The following CACNA1I variants were observed in gnomAD, a reference collection of about 807,000 sequenced individuals.
CACNA1I encodes calcium voltage-gated channel subunit alpha1 I.
In CACNA1I, 74 loss-of-function variants were observed where a neutral mutation model predicts 201.6. That is an observed-to-expected ratio of 0.37 (90% CI 0.30 to 0.45). CACNA1I has a LOEUF of 0.45. Among genes scored for constraint, CACNA1I ranks in the 20% least tolerant of loss-of-function variants. The probability of loss-of-function intolerance (pLI) is 1.00; values close to 1 mark genes in which losing one functional copy is unlikely to be tolerated. For missense variants in CACNA1I, 2,346 were observed against 3,138.1 expected, an observed-to-expected ratio of 0.75 and a Z score of 6.03; for synonymous variants, 1,431 against 1,345.2, an observed-to-expected ratio of 1.06 and a Z score of -1.40.
intron 4 of CACNA1I, among the ~76,000 whole-genome samples, chr22:39,623,453 T>C (rs934163714): frequency 6.6e-6 from 1 of 151,300 alleles, no homozygotes; most frequent in African/African-American, 2.4e-5. Flanking sequence ...CCTATGAAAG[T>C]GTGTGTGTTG....
chr22:39,590,179 C>T (rs759902527), intron 1 of CACNA1I, among the ~76,000 whole-genome samples: 26 of 152,324 alleles, frequency 1.7e-4, no homozygotes, highest in Non-Finnish European at 3.4e-4. Flanking sequence ...TGAGGGAGCC[C>T]CAGCATAGTG....
In CACNA1I at chr22:39,663,840, C is replaced by A; in HGVS notation, c.3596C>A (p.Thr1199Asn). 6.2e-7 allele frequency: 1 copy of A among 1,613,526 alleles called. No homozygotes were observed. Among genetic ancestry groups the A allele is most frequent in the East Asian group, 2.2e-5 (1 of 44,848 alleles). ...LERPQIEAGS[T>N]ERIFLTVSNY... ...CGGCCTCAGATCGAGGCCGGCAGCA[C>A]CGTGAGTGGCTGTAGCCTTTGGGCA... The change falls in exon 19 of 37, where the codon ACC (threonine) becomes AAC (asparagine). Residue 1199 changes from threonine (T) to asparagine (N), a missense_variant and splice_region_variant. Physicochemically the swap from Thr to Asn is moderately conservative, Grantham distance 65 (BLOSUM62 0). Coordinates refer to ENST00000402142, the MANE Select transcript of CACNA1I (RefSeq NM_021096.4).
intron 1 of CACNA1I, among the ~76,000 whole-genome samples, chr22:39,588,532 C>G (rs1390850104): frequency 6.6e-6 from 1 of 151,634 alleles, no homozygotes; most frequent in African/African-American, 2.4e-5. Flanking sequence ...ACTACAGGCG[C>G]CCACCACCAC....
intron 10 of CACNA1I, among the ~76,000 whole-genome samples, chr22:39,650,855 A>G (rs1448096314): frequency 2.0e-5 from 3 of 151,978 alleles, no homozygotes; most frequent in African/African-American, 7.3e-5. Flanking sequence ...AGGGGAGGGG[A>G]CAGCTTCTGG....
intron 33 of CACNA1I, 140 bp from the exon 34 acceptor site, chr22:39,680,790 C>A: frequency 1.2e-6 from 1 of 861,402 alleles, no homozygotes; most frequent in Non-Finnish European, 1.7e-6. Context: ...GACACATCAT[C>A]CGTGTCCAGC....
At chr22:39,670,376 C>T in intron 25 of CACNA1I, 146 bp downstream of exon 25, 1 of 829,312 alleles carries the variant, frequency 1.2e-6, no homozygotes, top group East Asian at 2.7e-5. Context: ...CTCCCAGCAT[C>T]TTCCTGTCCA....
In CACNA1I at chr22:39,687,667, G is replaced by A. The variant is rs1286883410; in HGVS notation, c.*1262G>A. The A allele has an allele frequency of 1.3e-5, 2 of 152,230 alleles. No individual in the cohort carries two copies. Among genetic ancestry groups the A allele is most frequent in the East Asian group, 1.9e-4 (1 of 5,190 alleles). The allele number at this position is 152,230 out of a possible 1,614,324, so 9.4% of individuals were successfully genotyped here. A position where few individuals can be genotyped will look rare whatever the true frequency, so the allele number is the denominator to read the frequency against. On this transcript the variant is annotated 3_prime_UTR_variant, in exon 37 of 37. Coordinates refer to ENST00000402142, the MANE Select transcript of CACNA1I (RefSeq NM_021096.4). ...CCAGCCCCTGTCTCTCCTCCCCGCT[G>A]CCCCTAACTGCAGCTCAGCTTTCAC... is the stretch of plus-strand genomic sequence containing the variant.
intron 1 of CACNA1I, among the ~76,000 whole-genome samples, chr22:39,583,445 C>T (rs1049300875): frequency 6.6e-5 from 10 of 152,008 alleles, no homozygotes; most frequent in Admixed American, 1.3e-4. Context: ...TCCATCCACC[C>T]GCCCACCCAT....
chr22:39,632,981 G>A (rs1290059938), intron 4 of CACNA1I, among the ~76,000 whole-genome samples: 3 of 151,904 alleles, frequency 2.0e-5, no homozygotes, highest in Non-Finnish European at 4.4e-5. Context: ...GAGGGAAGAT[G>A]GGGTGGGCCT....
chr22:39,578,960 C>G (rs986336697), intron 1 of CACNA1I, among the ~76,000 whole-genome samples: 1 of 152,210 alleles, frequency 6.6e-6, no homozygotes, highest in Non-Finnish European at 1.5e-5. Flanking sequence ...ACCAGCCCCA[C>G]AAGCCCAACT....
At chr22:39,579,939 A>T (rs1932495746) in intron 1 of CACNA1I, among the ~76,000 whole-genome samples, 4 of 152,202 alleles carry the variant, frequency 2.6e-5, no homozygotes. Flanking sequence ...CTGAGCCACC[A>T]TGCCCAGCCT....
At chr22:39,576,746 G>C (rs1289398807) in intron 1 of CACNA1I, among the ~76,000 whole-genome samples, 2 of 152,162 alleles carry the variant, frequency 1.3e-5, no homozygotes, top group Non-Finnish European at 2.9e-5. Flanking sequence ...GGGGAAAGTT[G>C]GGCACCAGGT....
At chr22:39,638,195 C>T (rs958145635) in intron 5 of CACNA1I, among the ~76,000 whole-genome samples, 2 of 152,234 alleles carry the variant, frequency 1.3e-5, no homozygotes. Flanking sequence ...CCACCTCGGC[C>T]TCCCAAAGTG....
intron 3 of CACNA1I, among the ~76,000 whole-genome samples, chr22:39,601,288 C>T (rs780663572): frequency 6.6e-6 from 1 of 152,282 alleles, no homozygotes; most frequent in African/African-American, 2.4e-5. Context: ...AAGCCAGACA[C>T]AGGCCTTGTC....
chr22:39,653,624 C>T (rs1489395418), intron 10 of CACNA1I, among the ~76,000 whole-genome samples: 1 of 152,184 alleles, frequency 6.6e-6, no homozygotes, highest in East Asian at 1.9e-4. Flanking sequence ...CCCATCCTGG[C>T]TGGCAGGGAG....
At chr22:39,572,484 G>A (rs945981063) in intron 1 of CACNA1I, among the ~76,000 whole-genome samples, 1 of 151,976 alleles carries the variant, frequency 6.6e-6, no homozygotes, top group Admixed American at 6.5e-5. Context: ...TGAGGTGATC[G>A]TGGGCCCTGG....
intron 1 of CACNA1I, among the ~76,000 whole-genome samples, 153 bp from the exon 2 acceptor site, chr22:39,597,998 T>A (rs2081767212): frequency 1.3e-5 from 2 of 152,114 alleles, no homozygotes; most frequent in South Asian, 4.1e-4. Context: ...CCACGGGCTT[T>A]GAGCTGTTTC....
intron 1 of CACNA1I, among the ~76,000 whole-genome samples, chr22:39,583,062 A>G (rs1601793301): frequency 6.7e-6 from 1 of 149,604 alleles, no homozygotes; most frequent in Non-Finnish European, 1.5e-5. Flanking sequence ...CCATCCATCC[A>G]TCCATCCATC....
intron 4 of CACNA1I, among the ~76,000 whole-genome samples, chr22:39,622,613 G>A (rs136807): frequency 0.42 from 58,000 of 138,522 alleles, 12,743 homozygotes; most frequent in Middle Eastern, 0.55. Flanking sequence ...GGGGCGGTGG[G>A]GGGGGCAGTG....
Sources: gnomAD v4.1 joint callset for allele counts (sites outside exome capture counted in the v4.1 genomes callset) on GRCh38, gnomAD v4.1.1 for gene constraint, MANE v1.5 for transcripts, NCBI Gene and HGNC (gene_info 2026-07-23, HGNC 2026-07-21) for gene names.